The following IL6ST variants were observed in gnomAD, a reference collection of about 807,000 sequenced individuals.
The protein encoded by IL6ST is interleukin 6 cytokine family signal transducer.
A neutral mutation model predicts 91.3 loss-of-function variants in IL6ST; 24 were observed. The ratio of observed to expected loss-of-function variants is 0.26; its 90% CI spans 0.19 to 0.37. IL6ST has a LOEUF of 0.37. Among genes scored for constraint, IL6ST ranks in the 10% least tolerant of loss-of-function variants. The pLI is 1.00. For synonymous variants in IL6ST, 351 were observed against 373.6 expected, an observed-to-expected ratio of 0.94 and a Z score of 0.70; for missense variants, 914 against 1,078.5, an observed-to-expected ratio of 0.85 and a Z score of 2.14.
chr5:55,967,242 G>A (rs376480473), intron 5 of IL6ST, among the ~76,000 whole-genome samples: 13 of 139,190 alleles, frequency 9.3e-5, no homozygotes, highest in African/African-American at 2.9e-4. Flanking sequence ...CCTGGGAAGC[G>A]GAGGTTGCAG....
intron 14 of IL6ST, chr5:55,950,087 A>G (rs776392744): frequency 5.0e-6 from 2 of 401,604 alleles, no homozygotes; most frequent in South Asian, 3.7e-5. Context: ...AGGACTTGAC[A>G]CTCAGCTTAT....
chr5:55,961,434 G>A lies in IL6ST; in HGVS notation c.814-873C>T, dbSNP rs140821219. Among the ~76,000 whole-genome samples, 718 of 152,212 alleles carry A rather than the reference G, an allele frequency of 4.7e-3. 4 individuals are homozygous for A. The highest frequency in any genetic ancestry group is 0.027 in the Middle Eastern group (8 of 294). On this transcript the variant is annotated intron_variant, in intron 7 of 16. Transcript: ENST00000381298. The stretch of plus-strand genomic sequence containing the variant: ...CTGAAAGAAGCCGGTCAGCTAGAGA[G>A]GGCTGTCTTGACAGGTAGTGACCCT...
chr5:55,963,442 T>C lies in IL6ST; in HGVS notation c.723A>G (p.Lys241=), dbSNP rs779077255. Reference sequence around the variant, plus strand: ...TAATACTTGGGTTGGTCCATGTCAATTTTAAGATACTAGACAGTTCCTCTG... The same window carrying C: ...TAATACTTGGGTTGGTCCATGTCAACTTTAAGATACTAGACAGTTCCTCTG... ...INSEELSSIL[K]LTWTNPSIKS... The change falls in exon 7 of 17, where the codon AAA becomes AAG. Residue 241 remains lysine (K), a synonymous_variant. Coordinates refer to ENST00000381298, the MANE Select transcript of IL6ST (RefSeq NM_002184.4). 7 of 1,607,702 alleles carry C rather than the reference T, an allele frequency of 4.4e-6. No homozygotes were observed. The South Asian group carries it at 6.6e-5, about 15-fold the overall frequency.
At position 55,939,914 on chromosome 5, in the gene IL6ST, G is replaced by A. The variant is rs1267939661; in HGVS notation, c.*1168C>T. 5 of 205,458 alleles carry A rather than the reference G, an allele frequency of 2.4e-5. No individual in the cohort carries two copies. Among genetic ancestry groups the A allele is most frequent in the Non-Finnish European group, 4.0e-5 (4 of 100,378 alleles). The allele number at this position is 205,458 out of a possible 1,614,324, so 12.7% of individuals were successfully genotyped here. A position where few individuals can be genotyped will look rare whatever the true frequency, so the allele number is the denominator to read the frequency against. On this transcript the variant is annotated 3_prime_UTR_variant, in exon 17 of 17. Transcript: ENST00000381298. ...TAATGATATTTGCTAAGAACAAGAT[G>A]TACATTTTTTGGGGTTCTGTTTTGT...
At position 55,967,608 on chromosome 5, in the gene IL6ST, A is replaced by T. The variant is rs555527957; in HGVS notation, c.491+668T>A. 1.4e-3 allele frequency among the ~76,000 whole-genome samples: 216 copies of T among 151,914 alleles called. No individual in the cohort carries two copies. The Middle Eastern group carries it at 0.017, about 12-fold the overall frequency. ...GTGGTATGTTGTTATGCTTTTTTTT[A>T]AAATGTCCTCATCTTTTAGAGACGC... On this transcript the variant is annotated intron_variant, in intron 5 of 16. Coordinates refer to ENST00000381298, the MANE Select transcript of IL6ST (RefSeq NM_002184.4).
chr5:55,951,869 A>G, intron 13 of IL6ST, 60 bp downstream of exon 13: 1 of 1,038,864 alleles, frequency 9.6e-7, no homozygotes, highest in South Asian at 1.6e-5. Context: ...GACTTAAATT[A>G]GTACTTAAAA....
chr5:55,964,639 G>C (rs1454776542), intron 5 of IL6ST, among the ~76,000 whole-genome samples: 2 of 151,882 alleles, frequency 1.3e-5, no homozygotes, highest in Non-Finnish European at 2.9e-5. Context: ...TCCTAAAACA[G>C]AACCCTTACT....
intron 1 of IL6ST, among the ~76,000 whole-genome samples, chr5:55,990,221 C>T (rs559802471): frequency 1.3e-5 from 2 of 151,918 alleles, no homozygotes; most frequent in Admixed American, 6.6e-5. Flanking sequence ...CTCTTATTCA[C>T]GATCAATCAG....
chr5:55,943,614 GC>G (rs1238774420), intron 15 of IL6ST, among the ~76,000 whole-genome samples: 1 of 152,138 alleles, frequency 6.6e-6, no homozygotes, highest in Non-Finnish European at 1.5e-5. Context: ...TCAATAAAAT[GC>G]ACCATATTCA....
chr5:55,935,831 GAA>G lies in IL6ST; in HGVS notation c.*5249_*5250del, dbSNP rs1156835495. 3.2e-5 allele frequency: 7 copies of G among 215,788 alleles called. No individual in the cohort carries two copies. Among genetic ancestry groups the G allele is most frequent in the Non-Finnish European group, 4.7e-5 (5 of 106,790 alleles). The allele number at this position is 215,788 out of a possible 1,614,324, so 13.4% of individuals were successfully genotyped here. ...ACTCTCTCACTGCCTTTGGGCTAGA[GAA>G]AGAGTATGCTCTCAAGGAGTTACAT... is the stretch of plus-strand genomic sequence containing the variant. On this transcript the variant is annotated 3_prime_UTR_variant, in exon 17 of 17. Coordinates refer to ENST00000381298, the MANE Select transcript of IL6ST (RefSeq NM_002184.4).
intron 7 of IL6ST, among the ~76,000 whole-genome samples, chr5:55,960,809 T>G (rs915001664): frequency 2.6e-5 from 4 of 151,958 alleles, no homozygotes; most frequent in African/African-American, 9.7e-5. Context: ...TCTGTACTTT[T>G]TTAGTATCAA....
At chr5:55,963,044 T>C (rs968709962) in intron 7 of IL6ST, among the ~76,000 whole-genome samples, 1 of 151,698 alleles carries the variant, frequency 6.6e-6, no homozygotes, top group Admixed American at 6.6e-5. Flanking sequence ...GAGTTCAAAA[T>C]TGCAGTGAGC....
intron 3 of IL6ST, 30 bp downstream of exon 3, chr5:55,976,184 GT>G (rs972331791): frequency 8.2e-7 from 1 of 1,218,926 alleles, no homozygotes; most frequent in Admixed American, 2.0e-5. Flanking sequence ...AATTTGTGAA[GT>G]TAGAAGATAG....
chr5:55,985,355 A>G (rs1319466243), intron 1 of IL6ST, among the ~76,000 whole-genome samples: 1 of 151,926 alleles, frequency 6.6e-6, no homozygotes, highest in Admixed American at 6.6e-5. Flanking sequence ...TCTCTACTAA[A>G]ATATTTTAAA....
In IL6ST at chr5:55,941,128, C is replaced by T. The variant is rs1370710642; in HGVS notation, c.2711G>A (p.Ser904Asn). The change falls in exon 17 of 17, where the codon AGT (serine) becomes AAT (asparagine). Residue 904 changes from serine (S) to asparagine (N), a missense_variant. Transcript: ENST00000381298. Reference sequence around the variant, plus strand: ...TTGCCGTACAGTCTGTGGTAAGTAACTTTTAGGCATGCCTTCATCAGTCGC... The same window carrying T: ...TTGCCGTACAGTCTGTGGTAAGTAATTTTTAGGCATGCCTTCATCAGTCGC... ...EAATDEGMPK[S>N]YLPQTVRQGG... The T allele has an allele frequency of 2.5e-6, 4 of 1,614,076 alleles. No homozygotes were observed. In the East Asian group the frequency reaches 6.7e-5, roughly 27 times the overall value.
chr5:55,982,126 A>T (rs1432733742), intron 2 of IL6ST, among the ~76,000 whole-genome samples: 1 of 152,198 alleles, frequency 6.6e-6, no homozygotes, highest in Non-Finnish European at 1.5e-5. Flanking sequence ...AAAGCAGTAG[A>T]GTTACAATGG....
intron 5 of IL6ST, among the ~76,000 whole-genome samples, chr5:55,966,674 G>T (rs763365128): frequency 3.3e-5 from 5 of 152,126 alleles, no homozygotes; most frequent in Admixed American, 2.6e-4. Context: ...GAGATAGATT[G>T]AGAGATGGAG....
At chr5:55,969,036 A>G (rs1288612301) in intron 4 of IL6ST, among the ~76,000 whole-genome samples, 1 of 152,166 alleles carries the variant, frequency 6.6e-6, no homozygotes, top group Non-Finnish European at 1.5e-5. Flanking sequence ...TCTACTAAAA[A>G]TATGAAAAAT....
intron 10 of IL6ST, 62 bp downstream of exon 10, chr5:55,955,963 C>CT: frequency 9.5e-7 from 1 of 1,049,472 alleles, no homozygotes; most frequent in Non-Finnish European, 1.5e-6. Context: ...TATGGGAGCC[C>CT]TGTCCATACC....
Sources: allele counts gnomAD v4.1 joint callset (sites outside exome capture counted in the v4.1 genomes callset), GRCh38; gene constraint gnomAD v4.1.1; transcripts MANE v1.5; gene names NCBI Gene and HGNC (gene_info 2026-07-23, HGNC 2026-07-21).